PCDH11X: variants seen among roughly 807,000 people sequenced by gnomAD.
PCDH11X encodes protocadherin 11 X-linked, also known as protocadherin-11 X-linked.
In PCDH11X, 18 loss-of-function variants were observed where a neutral mutation model predicts 53.3. The ratio of observed to expected loss-of-function variants is 0.34; its 90% CI spans 0.23 to 0.50. PCDH11X has a LOEUF of 0.50. Among genes scored for constraint, PCDH11X ranks in the 20% least tolerant of loss-of-function variants. The pLI, the probability that PCDH11X is intolerant of heterozygous loss-of-function variation, is 0.98. For synonymous variants in PCDH11X, 279 were observed against 393.3 expected (o/e 0.71, Z 3.44); for missense variants, 570 against 1,032.4 (o/e 0.55, Z 6.14).
chrX:92,271,998 A>G (rs1308569282), intron 8 of PCDH11X, among the ~76,000 whole-genome samples: 1 of 112,175 alleles, frequency 8.9e-6, no homozygotes, highest in Non-Finnish European at 1.9e-5. Context: ...AAATTTGACA[A>G]TACATGATGG....
At chrX:92,314,431 C>A (rs1228035847) in intron 8 of PCDH11X, among the ~76,000 whole-genome samples, 2 of 111,310 alleles carry the variant, frequency 1.8e-5, no homozygotes, top group Non-Finnish European at 3.8e-5. Context: ...TCTTCTACAA[C>A]TAATTTCTTT....
intron 9 of PCDH11X, among the ~76,000 whole-genome samples, chrX:92,450,040 G>A (rs1263555742): frequency 9.0e-6 from 1 of 110,928 alleles, no homozygotes; most frequent in Middle Eastern, 4.3e-3. Flanking sequence ...TCATGAAATG[G>A]TAAAGATAAA....
intron 7 of PCDH11X, among the ~76,000 whole-genome samples, chrX:92,245,817 G>C (rs62598484): frequency 0.055 from 6,159 of 111,614 alleles, 234 homozygotes; most frequent in East Asian, 0.23. Flanking sequence ...GGGAAAGTGA[G>C]TAGAGACCTA....
At chrX:91,807,166 C>T (rs1174191120) in intron 1 of PCDH11X, among the ~76,000 whole-genome samples, 2 of 85,258 alleles carry the variant, frequency 2.3e-5, no homozygotes, top group Non-Finnish European at 4.5e-5. Context: ...ATAGAAAGAC[C>T]TCATCTCTAC....
chrX:91,953,794 CAG>C (rs1278443870), intron 6 of PCDH11X, among the ~76,000 whole-genome samples: 2 of 109,552 alleles, frequency 1.8e-5, no homozygotes, highest in South Asian at 4.0e-4. Flanking sequence ...GTCTAGAAGT[CAG>C]AGAGTTTCTT....
intron 6 of PCDH11X, among the ~76,000 whole-genome samples, chrX:92,036,859 T>C (rs1382192475): frequency 9.1e-6 from 1 of 110,204 alleles, no homozygotes; most frequent in African/African-American, 3.3e-5. Flanking sequence ...ATAAGGACAA[T>C]AAAGTCCAGG....
chrX:91,913,142 G>A (rs778969115), intron 6 of PCDH11X, among the ~76,000 whole-genome samples: 1 of 111,033 alleles, frequency 9.0e-6, no homozygotes, highest in African/African-American at 3.3e-5. Context: ...AGGGATTATG[G>A]GGTGAAGGAG....
chrX:92,108,078 G>A, intron 6 of PCDH11X, among the ~76,000 whole-genome samples: 1 of 111,934 alleles, frequency 8.9e-6, no homozygotes, highest in Non-Finnish European at 1.9e-5. Flanking sequence ...AAGGATCCTT[G>A]GATATTATTT....
At chrX:92,284,473 TACTAG>T (rs2068317493) in intron 8 of PCDH11X, among the ~76,000 whole-genome samples, 1 of 112,390 alleles carries the variant, frequency 8.9e-6, no homozygotes, top group South Asian at 3.6e-4. Context: ...CTTTATATTT[TACTAG>T]ACTAAAAAAC....
intron 9 of PCDH11X, among the ~76,000 whole-genome samples, chrX:92,421,628 A>G (rs1042001081): frequency 2.7e-5 from 3 of 111,974 alleles, no homozygotes; most frequent in East Asian, 2.8e-4. Flanking sequence ...TATATACCCA[A>G]TGATGAGACT....
At chrX:92,584,382 A>AT (rs1230438008) in intron 10 of PCDH11X, among the ~76,000 whole-genome samples, 1 of 111,872 alleles carries the variant, frequency 8.9e-6, no homozygotes, top group Non-Finnish European at 1.9e-5. Context: ...CTGATCAAAA[A>AT]ATATATGAAA....
intron 6 of PCDH11X, among the ~76,000 whole-genome samples, chrX:92,117,486 C>A (rs1168306741): frequency 1.8e-5 from 2 of 110,184 alleles, no homozygotes; most frequent in Non-Finnish European, 3.8e-5. Context: ...TCTTTGTTCT[C>A]TTGAAGAACA....
intron 6 of PCDH11X, among the ~76,000 whole-genome samples, chrX:91,931,787 T>C (rs1323406011): frequency 1.8e-5 from 2 of 110,840 alleles, no homozygotes; most frequent in African/African-American, 6.5e-5. Context: ...CTCTACTCAA[T>C]AGAAAAATAC....
chrX:92,261,424 G>A (rs1439499219), intron 7 of PCDH11X, among the ~76,000 whole-genome samples: 1 of 111,706 alleles, frequency 9.0e-6, no homozygotes, highest in Non-Finnish European at 1.9e-5. Flanking sequence ...GAAAGGAAAT[G>A]CTCACCCCAA....
rs1032767219 is a variant in PCDH11X at position 92,161,473 on chromosome X, A to G, written c.3034-39902A>G. Among the ~76,000 whole-genome samples the G allele has an allele frequency of 3.3e-4, 37 of 110,653 alleles. 1 individual carries two copies. Among genetic ancestry groups the G allele is most frequent in the Admixed American group, 1.6e-3 (16 of 10,272 alleles). ...ATTCTTTCCTTCACCTTGACTTTTG[A>G]TAACATGATGACAATGTGCCTAGAC... On this transcript the variant is annotated intron_variant, in intron 6 of 10. Transcript: ENST00000682573.
At chrX:92,334,478 T>C (rs2069568601) in intron 8 of PCDH11X, among the ~76,000 whole-genome samples, 1 of 111,658 alleles carries the variant, frequency 9.0e-6, no homozygotes. Flanking sequence ...CTCTAGTAAA[T>C]TGTGTATTGT....
At chrX:92,539,790 T>C (rs2074726180) in intron 10 of PCDH11X, among the ~76,000 whole-genome samples, 1 of 112,084 alleles carries the variant, frequency 8.9e-6, no homozygotes, top group South Asian at 3.7e-4. Context: ...TGCCCAATAA[T>C]GCTGTGGTTT....
At chrX:92,074,877 T>C (rs1439367961) in intron 6 of PCDH11X, among the ~76,000 whole-genome samples, 1 of 111,576 alleles carries the variant, frequency 9.0e-6, no homozygotes, top group Admixed American at 9.6e-5. Context: ...TTTCCTTTCT[T>C]AATATTATTC....
intron 6 of PCDH11X, among the ~76,000 whole-genome samples, chrX:91,980,652 C>G (rs1357936943): frequency 1.9e-5 from 2 of 105,714 alleles, no homozygotes; most frequent in Non-Finnish European, 3.9e-5. Context: ...CCTTGCTGGT[C>G]TCCAACTCCT....
Sources: allele counts gnomAD v4.1 joint callset (sites outside exome capture counted in the v4.1 genomes callset), GRCh38; gene constraint gnomAD v4.1.1; transcripts MANE v1.5; gene names NCBI Gene and HGNC (gene_info 2026-07-23, HGNC 2026-07-21).